ARAP2: variants seen among roughly 807,000 people sequenced by gnomAD.
The protein encoded by ARAP2 is arf-GAP with Rho-GAP domain, ANK repeat and PH domain-containing protein 2.
Under a neutral mutation model 194.5 loss-of-function variants are expected in ARAP2, and 148 were observed. The observed-to-expected ratio is 0.76, with a 90% CI of 0.67 to 0.87. ARAP2 has a LOEUF of 0.87. Ranked by LOEUF, ARAP2 falls within the 40% of genes least tolerant of loss-of-function variation. The pLI is 0.00. For missense variants in ARAP2, 2,128 were observed against 1,989.7 expected (o/e 1.07, Z -1.32); for synonymous variants, 695 against 683.5 (o/e 1.02, Z -0.26).
intron 1 of ARAP2, among the ~76,000 whole-genome samples, chr4:36,239,287 A>G (rs1172028852): frequency 6.6e-6 from 1 of 152,176 alleles, no homozygotes; most frequent in African/African-American, 2.4e-5. Flanking sequence ...AAGAGAAAGT[A>G]TTAACACAAA....
At chr4:36,018,522 T>C (rs1421055522) in intron 6 of ARAP2, among the ~76,000 whole-genome samples, 1 of 151,098 alleles carries the variant, frequency 6.6e-6, no homozygotes, top group East Asian at 1.9e-4. Flanking sequence ...ATGAAGTTAA[T>C]ACATACCTCC....
intron 3 of ARAP2, among the ~76,000 whole-genome samples, chr4:36,049,284 T>C (rs1420351531): frequency 6.6e-6 from 1 of 152,172 alleles, no homozygotes; most frequent in Non-Finnish European, 1.5e-5. Flanking sequence ...TATAATTAAA[T>C]GTTTGCTTTT....
intron 2 of ARAP2, among the ~76,000 whole-genome samples, chr4:36,226,709 C>A (rs559402053): frequency 7.2e-5 from 11 of 152,244 alleles, no homozygotes; most frequent in African/African-American, 1.4e-4. Flanking sequence ...CCATTTAATT[C>A]TCAGGCCCAG....
intron 5 of ARAP2, among the ~76,000 whole-genome samples, chr4:36,027,261 A>T (rs776076080): frequency 4.0e-4 from 61 of 152,250 alleles, no homozygotes; most frequent in Non-Finnish European, 6.3e-4. Flanking sequence ...TAAAAACTAA[A>T]GCACAGAGAG....
At chr4:36,069,690 AG>A (rs1726348557) in intron 32 of ARAP2, among the ~76,000 whole-genome samples, 1 of 152,212 alleles carries the variant, frequency 6.6e-6, no homozygotes, top group Admixed American at 6.5e-5. Context: ...ACAGAATTTA[AG>A]GGCCAAGTAA....
At chr4:36,023,049 A>C (rs1560279858) in intron 5 of ARAP2, among the ~76,000 whole-genome samples, 1 of 152,174 alleles carries the variant, frequency 6.6e-6, no homozygotes, top group Non-Finnish European at 1.5e-5. Context: ...GTCATCAGTC[A>C]ATTCAGGACA....
chr4:36,146,622 T>C (rs1553919560), intron 19 of ARAP2, among the ~76,000 whole-genome samples: 1 of 152,110 alleles, frequency 6.6e-6, no homozygotes, highest in Admixed American at 6.6e-5. Flanking sequence ...TTTCGTTTTA[T>C]GAAGCTCTTT....
chr4:36,172,570 G>A lies in ARAP2; in HGVS notation c.1857+5257C>T, dbSNP rs115224962. Among the ~76,000 whole-genome samples, 575 of 152,046 alleles carry A rather than the reference G, an allele frequency of 3.8e-3. 6 individuals are homozygous for A. The highest frequency in any genetic ancestry group is 0.013 in the African/African-American group (540 of 41,434). On this transcript the variant is annotated intron_variant, in intron 9 of 32. Coordinates refer to ENST00000303965, the MANE Select transcript of ARAP2 (RefSeq NM_015230.4). Reference sequence around the variant, plus strand: ...TAAATATTTACCAAGATACTGAAACGGGTTATTCTTATGAATTTGCAGCAA... The same window carrying A: ...TAAATATTTACCAAGATACTGAAACAGGTTATTCTTATGAATTTGCAGCAA...
At chr4:36,223,921 C>T (rs968937346) in intron 2 of ARAP2, among the ~76,000 whole-genome samples, 2 of 151,908 alleles carry the variant, frequency 1.3e-5, no homozygotes, top group Non-Finnish European at 2.9e-5. Flanking sequence ...TCATGGTAGC[C>T]AGAGAGACAA....
chr4:36,213,947 C>A (rs1406244596), intron 3 of ARAP2, among the ~76,000 whole-genome samples: 1 of 152,064 alleles, frequency 6.6e-6, no homozygotes, highest in Non-Finnish European at 1.5e-5. Flanking sequence ...ATTCAGTACC[C>A]AAGTGTTTGA....
intron 26 of ARAP2, among the ~76,000 whole-genome samples, chr4:36,108,193 C>A (rs2109470162): frequency 6.6e-6 from 1 of 152,028 alleles, no homozygotes; most frequent in Non-Finnish European, 1.5e-5. Context: ...ACCACCATCC[C>A]CATCCTCTAA....
intron 9 of ARAP2, among the ~76,000 whole-genome samples, chr4:36,175,800 G>C (rs1325243270): frequency 6.6e-6 from 1 of 152,144 alleles, no homozygotes; most frequent in African/African-American, 2.4e-5. Context: ...ATATGGAAAT[G>C]CTTCTAATTC....
At chr4:36,223,561 T>C (rs187903676) in intron 2 of ARAP2, among the ~76,000 whole-genome samples, 6 of 152,296 alleles carry the variant, frequency 3.9e-5, no homozygotes, top group Admixed American at 3.9e-4. Flanking sequence ...TGAATAAAAT[T>C]GTGTCCCTAC....
chr4:36,087,637 T>C (rs1712254008), intron 28 of ARAP2, among the ~76,000 whole-genome samples: 2 of 152,236 alleles, frequency 1.3e-5, no homozygotes, highest in South Asian at 4.1e-4. Flanking sequence ...AGTCACTGCA[T>C]GAACAGCCTT....
chr4:36,212,347 A>T (rs768925028), intron 5 of ARAP2, 49 bp downstream of exon 5: 6 of 1,408,908 alleles, frequency 4.3e-6, no homozygotes, highest in Non-Finnish European at 5.0e-6. Context: ...TCAACATTGT[A>T]TAACAGTTTA....
At chr4:36,122,710 A>C (rs1722948933) in intron 22 of ARAP2, among the ~76,000 whole-genome samples, 3 of 151,484 alleles carry the variant, frequency 2.0e-5, no homozygotes, top group Non-Finnish European at 4.4e-5. Context: ...CTGTGATACA[A>C]GTTTACCTGT....
intron 8 of ARAP2, among the ~76,000 whole-genome samples, chr4:36,181,610 A>T (rs930366858): frequency 6.6e-6 from 1 of 152,220 alleles, no homozygotes; most frequent in Non-Finnish European, 1.5e-5. Flanking sequence ...AGTTCCCTCA[A>T]TGAAATTCCT....
At chr4:36,244,533 GAGCAGGCGCC>G (rs1560763580), upstream of ARAP2, 1 of 151,264 alleles carries the variant, frequency 6.6e-6, no homozygotes, top group Non-Finnish European at 1.5e-5. Flanking sequence ...CGGGGGCGGG[GAGCAGGCGCC>G]CCGCGCGGGG....
chr4:36,054,082 G>A (rs942729594), intron 2 of ARAP2, among the ~76,000 whole-genome samples: 2 of 152,056 alleles, frequency 1.3e-5, no homozygotes. Flanking sequence ...TGCAAATTAG[G>A]CATGCCTTTC....
Sources: gnomAD v4.1 joint callset for allele counts (sites outside exome capture counted in the v4.1 genomes callset) on GRCh38, gnomAD v4.1.1 for gene constraint, MANE v1.5 for transcripts, NCBI Gene and HGNC (gene_info 2026-07-23, HGNC 2026-07-21) for gene names.